Variants in SERPINB10 observed in about 807,000 individuals in gnomAD.
SERPINB10 encodes serpin B10.
In SERPINB10, 35 loss-of-function variants were observed where a neutral mutation model predicts 39.1. That is an observed-to-expected ratio of 0.90 (90% confidence interval 0.68 to 1.19). The LOEUF is 1.19. SERPINB10 is among the 50% of genes most tolerant of loss of function. The pLI, the probability that SERPINB10 is intolerant of heterozygous loss-of-function variation, is 0.00. For missense variants in SERPINB10, 546 were observed against 460.5 expected (o/e 1.19, Z -1.70); for synonymous variants, 190 against 158.1 (o/e 1.20, Z -1.52).
At chr18:63,931,318 G>A in intron 6 of SERPINB10, among the ~76,000 whole-genome samples, 1 of 152,122 alleles carries the variant, frequency 6.6e-6, no homozygotes, top group African/African-American at 2.4e-5. Context: ...CTCATATTCA[G>A]TCTTCAAGCT....
chr18:63,936,081 T>G lies in SERPINB10; in HGVS notation c.*839T>G, dbSNP rs893423763. The G allele has an allele frequency of 6.6e-6, 1 of 152,194 alleles. No individual in the cohort carries two copies. The highest frequency in any genetic ancestry group is 1.5e-5 in the Non-Finnish European group (1 of 68,034). The allele number at this position is 152,194 out of a possible 1,614,324, so 9.4% of individuals were successfully genotyped here. A position where few individuals can be genotyped will look rare whatever the true frequency, so the allele number is the denominator to read the frequency against. On this transcript the variant is annotated 3_prime_UTR_variant, in exon 8 of 8. Transcript: ENST00000238508. The stretch of plus-strand genomic sequence containing the variant: ...CTGCACCTCTTCTGCCAATCTAAAA[T>G]TATTCCAAAATAAAAGTTTTATTAA...
At chr18:63,918,700 A>G (rs938045539) in intron 4 of SERPINB10, among the ~76,000 whole-genome samples, 1 of 152,052 alleles carries the variant, frequency 6.6e-6, no homozygotes, top group Non-Finnish European at 1.5e-5. Flanking sequence ...TTGTGATTTC[A>G]AGCAATGCTA....
At position 63,930,055 on chromosome 18, in the gene SERPINB10, G is replaced by C; in HGVS notation, c.501G>C (p.Gln167His). Residue 167 changes from glutamine to histidine, a missense_variant, in exon 6 of 8, where the codon CAG (glutamine) becomes CAC (histidine). Physicochemically the swap from Gln to His is conservative, Grantham distance 24 (BLOSUM62 0). Coordinates refer to ENST00000238508, the MANE Select transcript of SERPINB10 (RefSeq NM_005024.3). Reference protein sequence around the residue: ...WVERQTEGKIQNLLPDDSVDS... With the variant: ...WVERQTEGKIHNLLPDDSVDS... The stretch of plus-strand genomic sequence containing the variant: ...CTTTTGTTCTTACAGGTAAAATCCA[G>C]AATCTCCTGCCTGATGACTCTGTGG... The C allele has an allele frequency of 6.2e-7, 1 of 1,613,176 alleles. No homozygotes were observed. The highest frequency in any genetic ancestry group is 8.5e-7 in the Non-Finnish European group (1 of 1,179,544).
At chr18:63,916,565 TA>T (rs1197635989) in intron 2 of SERPINB10, among the ~76,000 whole-genome samples, 2 of 152,176 alleles carry the variant, frequency 1.3e-5, no homozygotes, top group African/African-American at 2.4e-5. Context: ...TCAGGTGGTT[TA>T]AAAACAACAA....
rs546515104 is a variant in SERPINB10, at chr18:63,915,289, A to C, written c.-9-213A>C. ...ATCCATTTATTCTCTAATGCACATTAGCACTAAAATTTGAGGCAATTCCCG... is the reference window on the plus strand; with the variant it reads ...ATCCATTTATTCTCTAATGCACATTCGCACTAAAATTTGAGGCAATTCCCG... On this transcript the variant is annotated intron_variant, in intron 1 of 7. Transcript: ENST00000238508. 4.6e-4 allele frequency among the ~76,000 whole-genome samples: 70 copies of C among 152,242 alleles called. 1 individual carries two copies. The highest frequency in any genetic ancestry group is 8.4e-4 in the Non-Finnish European group (57 of 67,982).
At position 63,921,147 on chromosome 18, in the gene SERPINB10, A is replaced by C. The variant is rs373744295; in HGVS notation, c.490+1242A>C. Among the ~76,000 whole-genome samples, 14 of 151,978 alleles carry C rather than the reference A, an allele frequency of 9.2e-5. 1 individual carries two copies. The highest frequency in any genetic ancestry group is 7.2e-4 in the Admixed American group (11 of 15,242). On this transcript the variant is annotated intron_variant, in intron 5 of 7. Transcript: ENST00000238508. ...AATACAAAGGCATCATCATTAATGA[A>C]GATTAATTAATCATTCATGACTTAA...
intron 7 of SERPINB10, among the ~76,000 whole-genome samples, chr18:63,934,243 A>G (rs1032220905): frequency 2.6e-4 from 40 of 152,244 alleles, no homozygotes; most frequent in Middle Eastern, 3.2e-3. Context: ...TATAGTATGT[A>G]CACACATATT....
chr18:63,933,674 C>T (rs531143824), intron 7 of SERPINB10, among the ~76,000 whole-genome samples: 1 of 152,314 alleles, frequency 6.6e-6, no homozygotes, highest in African/African-American at 2.4e-5. Flanking sequence ...ATTTGTTGAA[C>T]ATTTTTATCA....
chr18:63,934,748 C>T (rs1216180344), intron 7 of SERPINB10, 90 bp from the exon 8 acceptor site: 1 of 1,303,088 alleles, frequency 7.7e-7, no homozygotes, highest in African/African-American at 1.5e-5. Flanking sequence ...CATAATTCAC[C>T]TATGTAATTC....
At position 63,918,138 on chromosome 18, in the gene SERPINB10, A is replaced by G. The variant is rs1454018404; in HGVS notation, c.372+36A>G. ...ATGTCTTATTTTAAGCTAATGGAAA[A>G]GAAAGAGCAATGTGAGACCAATCAG... On this transcript the variant is annotated intron_variant, in intron 4 of 7. Transcript: ENST00000238508. The G allele has an allele frequency of 1.9e-6, 3 of 1,606,874 alleles. No homozygotes were observed. The East Asian group carries it at 6.7e-5, about 36-fold the overall frequency.
chr18:63,921,148 GATTA>G (rs1213584360), intron 5 of SERPINB10, among the ~76,000 whole-genome samples: 9 of 151,816 alleles, frequency 5.9e-5, no homozygotes, highest in African/African-American at 2.2e-4. Context: ...CATTAATGAA[GATTA>G]ATTAATCATT....
chr18:63,920,567 G>T lies in SERPINB10; in HGVS notation c.490+662G>T, dbSNP rs944607924. On this transcript the variant is annotated intron_variant, in intron 5 of 7. Coordinates refer to ENST00000238508, the MANE Select transcript of SERPINB10 (RefSeq NM_005024.3). Reference sequence around the variant, plus strand: ...CAATAGCCAGTTGTAGTAGCAGCAGGAAGTGGGGAAAAGAAATTTCAGCAA... The same window carrying T: ...CAATAGCCAGTTGTAGTAGCAGCAGTAAGTGGGGAAAAGAAATTTCAGCAA... Among the ~76,000 whole-genome samples, 5 of 152,088 alleles carry T rather than the reference G, an allele frequency of 3.3e-5. No individual in the cohort carries two copies. The South Asian group carries it at 1.0e-3, about 32-fold the overall frequency.
chr18:63,931,326 G>C (rs1392971172), intron 6 of SERPINB10, among the ~76,000 whole-genome samples: 1 of 152,042 alleles, frequency 6.6e-6, no homozygotes, highest in Non-Finnish European at 1.5e-5. Context: ...CAGTCTTCAA[G>C]CTTCACAACT....
chr18:63,916,105 TTC>T (rs2050100360), intron 2 of SERPINB10, among the ~76,000 whole-genome samples: 1 of 151,944 alleles, frequency 6.6e-6, no homozygotes, highest in Admixed American at 6.6e-5. Context: ...CTTTGTTTGA[TTC>T]TCTCTTTGTT....
chr18:63,912,489 A>G (rs2050072009), intron 1 of SERPINB10, among the ~76,000 whole-genome samples: 1 of 152,018 alleles, frequency 6.6e-6, no homozygotes, highest in African/African-American at 2.4e-5. Flanking sequence ...GGTTTTTATC[A>G]TGAATGGATA....
Position 63,935,773 on chromosome 18 carries a change from G to A in SERPINB10, c.*531G>A, listed in dbSNP as rs1274769695. ...TGCAGTGAGCCAAGATCACACCAGT[G>A]CACTCCAACCTGGGCAACAGAGCAA... is the stretch of plus-strand genomic sequence containing the variant. On this transcript the variant is annotated 3_prime_UTR_variant, in exon 8 of 8. Transcript: ENST00000238508. 6.6e-6 allele frequency: 1 copy of A among 152,400 alleles called. No individual in the cohort carries two copies. The highest frequency in any genetic ancestry group is 1.9e-4 in the East Asian group (1 of 5,210). The allele number at this position is 152,400 out of a possible 1,614,324, so 9.4% of individuals were successfully genotyped here. A position where few individuals can be genotyped will look rare whatever the true frequency, so the allele number is the denominator to read the frequency against.
At chr18:63,925,878 TA>T (rs1319714359) in intron 5 of SERPINB10, among the ~76,000 whole-genome samples, 1 of 151,794 alleles carries the variant, frequency 6.6e-6, no homozygotes, top group East Asian at 1.9e-4. Flanking sequence ...TACCAAAAAA[TA>T]AAAAAACCAG....
intron 1 of SERPINB10, among the ~76,000 whole-genome samples, chr18:63,910,776 G>T (rs1043586421): frequency 6.6e-6 from 1 of 151,866 alleles, no homozygotes; most frequent in Admixed American, 6.6e-5. Flanking sequence ...GTGTGTGTGT[G>T]TGTGTCTCTT....
rs1453938335 is a variant in SERPINB10 at position 63,933,175 on chromosome 18, T to C, written c.761T>C (p.Leu254Pro). The C allele has an allele frequency of 1.2e-6, 2 of 1,613,944 alleles. No individual in the cohort carries two copies. Among genetic ancestry groups the C allele is most frequent in the African/African-American group, 1.3e-5 (1 of 74,924 alleles). ...CGTGACCTCAGCCTGCTTATACTAC[T>C]GCCAGAAGACATTAATGGGCTGGAA... is the stretch of plus-strand genomic sequence containing the variant. ...KSRDLSLLIL[L>P]PEDINGLEQL... Residue 254 changes from leucine (L) to proline (P), a missense_variant, in exon 7 of 8, where the codon CTG (leucine) becomes CCG (proline). By Grantham distance (98) the Leu-to-Pro change is moderately conservative (BLOSUM62 -3). Transcript: ENST00000238508.
Sources: gnomAD v4.1 joint callset for allele counts (sites outside exome capture counted in the v4.1 genomes callset) on GRCh38, gnomAD v4.1.1 for gene constraint, MANE v1.5 for transcripts, NCBI Gene and HGNC (gene_info 2026-07-23, HGNC 2026-07-21) for gene names.